CEP112: variants seen among roughly 807,000 people sequenced by gnomAD.
CEP112 encodes centrosomal protein 112, also known as centrosomal protein of 112 kDa.
A neutral mutation model predicts 153.0 loss-of-function variants in CEP112; 127 were observed. That is an observed-to-expected ratio of 0.83 (90% CI 0.72 to 0.96). The LOEUF (loss-of-function observed/expected upper bound fraction) is 0.96. Among genes scored for constraint, CEP112 ranks in the 40% least tolerant of loss-of-function variants. The probability of loss-of-function intolerance (pLI) is 0.00; values close to 1 mark genes in which losing one functional copy is unlikely to be tolerated. For missense variants in CEP112, 1,089 were observed against 1,101.2 expected, an observed-to-expected ratio of 0.99 and a Z score of 0.16; for synonymous variants, 358 against 374.4, an observed-to-expected ratio of 0.96 and a Z score of 0.51.
At chr17:65,968,722 A>G (rs1275207293) in intron 17 of CEP112, among the ~76,000 whole-genome samples, 2 of 152,244 alleles carry the variant, frequency 1.3e-5, no homozygotes, top group Admixed American at 6.5e-5. Flanking sequence ...ACTGAAACTT[A>G]GAATAGTTAA....
chr17:66,039,439 T>A (rs1356197748), intron 12 of CEP112, among the ~76,000 whole-genome samples: 3 of 152,148 alleles, frequency 2.0e-5, no homozygotes, highest in Admixed American at 6.5e-5. Flanking sequence ...AAACTTCTTA[T>A]GAAAATAGGA....
At chr17:65,897,969 CAA>C (rs546014672) in intron 20 of CEP112, among the ~76,000 whole-genome samples, 2 of 152,144 alleles carry the variant, frequency 1.3e-5, no homozygotes, top group East Asian at 3.9e-4. Context: ...CAATTCACAG[CAA>C]AGTTTCCCTC....
intron 19 of CEP112, among the ~76,000 whole-genome samples, chr17:65,918,981 T>C (rs1320024960): frequency 6.6e-6 from 1 of 152,176 alleles, no homozygotes; most frequent in Admixed American, 6.5e-5. Context: ...GTCCATTCAT[T>C]CCCTCTGAAT....
chr17:66,067,471 GTTGT>G (rs2067166802), intron 9 of CEP112, among the ~76,000 whole-genome samples: 1 of 152,094 alleles, frequency 6.6e-6, no homozygotes. Flanking sequence ...GATATCTACT[GTTGT>G]TTATCTGCTA....
At chr17:66,150,191 C>T (rs1242569644) in intron 4 of CEP112, among the ~76,000 whole-genome samples, 3 of 144,306 alleles carry the variant, frequency 2.1e-5, no homozygotes, top group East Asian at 2.0e-4. Context: ...TGAGCCACCG[C>T]GCCCGGCCTT....
chr17:65,758,230 G>A (rs1369219026), intron 21 of CEP112, among the ~76,000 whole-genome samples: 1 of 152,064 alleles, frequency 6.6e-6, no homozygotes, highest in African/African-American at 2.4e-5. Flanking sequence ...TTCATCTTTG[G>A]TTCTTTCTGA....
intron 21 of CEP112, among the ~76,000 whole-genome samples, chr17:65,806,454 G>A (rs961201508): frequency 7.2e-5 from 11 of 152,234 alleles, no homozygotes; most frequent in Admixed American, 1.3e-4. Context: ...AGTGGGAACC[G>A]TAAGAGGTGA....
intron 24 of CEP112, among the ~76,000 whole-genome samples, chr17:65,679,248 T>C (rs1379254407): frequency 1.4e-5 from 2 of 142,318 alleles, no homozygotes; most frequent in African/African-American, 2.6e-5. Context: ...CTATCTCTCA[T>C]AACAAGTCTT....
intron 18 of CEP112, among the ~76,000 whole-genome samples, chr17:65,942,365 T>C (rs1040286705): frequency 6.6e-6 from 1 of 152,090 alleles, no homozygotes; most frequent in Non-Finnish European, 1.5e-5. Flanking sequence ...ACCAAAAAGG[T>C]TGGGTACTGC....
intron 17 of CEP112, among the ~76,000 whole-genome samples, chr17:66,001,042 C>T (rs1488700708): frequency 1.3e-5 from 2 of 152,162 alleles, no homozygotes; most frequent in African/African-American, 2.4e-5. Context: ...ATGTAAATTG[C>T]GCCTAGTTGG....
chr17:65,790,825 T>C (rs2054549634), intron 21 of CEP112, among the ~76,000 whole-genome samples: 1 of 152,212 alleles, frequency 6.6e-6, no homozygotes. Flanking sequence ...ATCTCTGTGA[T>C]CTTCTGCTAA....
chr17:66,053,585 C>T (rs2066539366), intron 12 of CEP112, 151 bp downstream of exon 12: 1 of 629,880 alleles, frequency 1.6e-6, no homozygotes, highest in South Asian at 3.7e-5. Context: ...TGTCCATGGC[C>T]ACACATAAAT....
chr17:66,012,942 T>G (rs1035116493), intron 16 of CEP112, among the ~76,000 whole-genome samples: 3 of 152,196 alleles, frequency 2.0e-5, no homozygotes, highest in African/African-American at 4.8e-5. Flanking sequence ...TCTTTATTTT[T>G]GTCTGACTGA....
At chr17:65,880,078 G>GT (rs57312341) in intron 20 of CEP112, among the ~76,000 whole-genome samples, 21,665 of 152,078 alleles carry the variant, frequency 0.14, 1,592 homozygotes, top group African/African-American at 0.17. Flanking sequence ...GAACCTTGTG[G>GT]TTTTGTGCTA....
chr17:65,971,552 T>C (rs2062816813), intron 17 of CEP112, among the ~76,000 whole-genome samples: 1 of 152,192 alleles, frequency 6.6e-6, no homozygotes, highest in Non-Finnish European at 1.5e-5. Flanking sequence ...TGCATGTATG[T>C]TACATGTGTG....
intron 21 of CEP112, among the ~76,000 whole-genome samples, chr17:65,825,478 C>T (rs2056794521): frequency 6.6e-6 from 1 of 152,008 alleles, no homozygotes; most frequent in South Asian, 2.1e-4. Context: ...GGCTGGGGAC[C>T]CCTGCCCTAG....
chr17:65,794,151 T>G (rs2054764370), intron 21 of CEP112, among the ~76,000 whole-genome samples: 1 of 151,988 alleles, frequency 6.6e-6, no homozygotes, highest in African/African-American at 2.4e-5. Context: ...CGATGGGGAG[T>G]AATAAAAAGC....
intron 21 of CEP112, among the ~76,000 whole-genome samples, chr17:65,774,976 G>T (rs1202936156): frequency 3.9e-5 from 6 of 152,060 alleles, no homozygotes; most frequent in Non-Finnish European, 7.3e-5. Flanking sequence ...AGGAGTAGTA[G>T]CAGCGGAGAC....
chr17:65,858,962 A>C (rs2058213473), intron 20 of CEP112, among the ~76,000 whole-genome samples: 1 of 152,210 alleles, frequency 6.6e-6, no homozygotes, highest in Non-Finnish European at 1.5e-5. Flanking sequence ...GTACCAATGT[A>C]AAAAGTGTCA....
Sources: allele counts gnomAD v4.1 joint callset (sites outside exome capture counted in the v4.1 genomes callset), GRCh38; gene constraint gnomAD v4.1.1; transcripts MANE v1.5; gene names NCBI Gene and HGNC (gene_info 2026-07-23, HGNC 2026-07-21).